Variants in ZFYVE9 observed in about 807,000 individuals in gnomAD.
ZFYVE9 encodes the protein zinc finger FYVE-type containing 9.
In ZFYVE9, 43 loss-of-function variants were observed where a neutral mutation model predicts 126.7. The observed-to-expected ratio is 0.34, with a 90% CI of 0.27 to 0.44. The LOEUF is 0.44. Ranked by LOEUF, ZFYVE9 falls within the 20% of genes least tolerant of loss-of-function variation. The pLI is 1.00. For synonymous variants in ZFYVE9, 521 were observed against 597.4 expected (o/e 0.87, Z 1.87); for missense variants, 1,476 against 1,697.0 (o/e 0.87, Z 2.29).
At chr1:52,231,343 C>T (rs917218060) in intron 2 of ZFYVE9, among the ~76,000 whole-genome samples, 2 of 152,038 alleles carry the variant, frequency 1.3e-5, no homozygotes, top group African/African-American at 4.8e-5. Context: ...CATGGTGAAA[C>T]CCTGTCTCTA....
chr1:52,231,060 A>G (rs993123130), intron 2 of ZFYVE9, among the ~76,000 whole-genome samples: 68 of 152,338 alleles, frequency 4.5e-4, no homozygotes, highest in African/African-American at 1.4e-3. Context: ...GCTGTTAAAT[A>G]TTGTAGGTGT....
At chr1:52,213,763 G>A (rs1272910419) in intron 1 of ZFYVE9, among the ~76,000 whole-genome samples, 1 of 152,170 alleles carries the variant, frequency 6.6e-6, no homozygotes, top group Non-Finnish European at 1.5e-5. Context: ...GATAACAGTG[G>A]ATGAAAGGTT....
chr1:52,208,426 A>G (rs1644996484), intron 1 of ZFYVE9, among the ~76,000 whole-genome samples: 1 of 151,948 alleles, frequency 6.6e-6, no homozygotes, highest in Non-Finnish European at 1.5e-5. Flanking sequence ...ACTAATAGGA[A>G]CTTTCTGATA....
chr1:52,160,530 A>G, intron 1 of ZFYVE9: 1 of 776,504 alleles, frequency 1.3e-6, no homozygotes, highest in Non-Finnish European at 2.4e-6. Context: ...CTGATGCCCC[A>G]GCCCTTGTGA....
intron 4 of ZFYVE9, among the ~76,000 whole-genome samples, chr1:52,243,493 A>G (rs1223920357): frequency 6.6e-6 from 1 of 152,218 alleles, no homozygotes. Flanking sequence ...GAGGTTAAGA[A>G]GGCACCTATT....
intron 10 of ZFYVE9, among the ~76,000 whole-genome samples, chr1:52,291,814 G>A (rs1645923015): frequency 6.8e-6 from 1 of 148,016 alleles, no homozygotes; most frequent in Non-Finnish European, 1.5e-5. Flanking sequence ...GGAAGGAGAG[G>A]TTGCAGTGAG....
chr1:52,207,596 T>C (rs1228088527), intron 1 of ZFYVE9, among the ~76,000 whole-genome samples: 1 of 152,228 alleles, frequency 6.6e-6, no homozygotes, highest in African/African-American at 2.4e-5. Flanking sequence ...TCTGCCACTG[T>C]AAGGGTGTTC....
At position 52,263,819 on chromosome 1, in the gene ZFYVE9, T is replaced by C; in HGVS notation, c.2225T>C (p.Met742Thr). 6.9e-7 allele frequency: 1 copy of C among 1,447,838 alleles called. No individual in the cohort carries two copies. The highest frequency in any genetic ancestry group is 9.3e-7 in the Non-Finnish European group (1 of 1,078,404). The allele number at this position is 1,447,838 out of a possible 1,614,324, so 89.7% of individuals were successfully genotyped here. The change falls in exon 5 of 19, where the codon ATG becomes ACG. Residue 742 changes from methionine to threonine, a missense_variant. Coordinates refer to ENST00000287727, the MANE Select transcript of ZFYVE9 (RefSeq NM_004799.4). Reference protein sequence around the residue: ...CCSLKCKLLYMDRKEARVCVI... With the variant: ...CCSLKCKLLYTDRKEARVCVI... ...AGCCTGAAATGTAAACTGTTATACA[T>C]GGACAGAAAGGAAGCTAGAGTGTGT...
rs141879674 is a variant in ZFYVE9 at position 52,306,134 on chromosome 1, T to C, written c.3438+2209T>C. ...GCCAGGCCACCAGTCCCATGGACTGTAGTGGGAACTTGGGGTGCCTTTTCT... is the reference window on the plus strand; with the variant it reads ...GCCAGGCCACCAGTCCCATGGACTGCAGTGGGAACTTGGGGTGCCTTTTCT... On this transcript the variant is annotated intron_variant, in intron 13 of 18. Transcript: ENST00000287727. Among the ~76,000 whole-genome samples the C allele has an allele frequency of 7.8e-4, 118 of 152,222 alleles. 2 individuals are homozygous for C. The East Asian group carries it at 0.022, about 28-fold the overall frequency.
intron 12 of ZFYVE9, among the ~76,000 whole-genome samples, chr1:52,298,833 G>A (rs764492844): frequency 8.7e-5 from 11 of 126,352 alleles, no homozygotes; most frequent in Non-Finnish European, 1.6e-4. Flanking sequence ...TTTTTGAGAC[G>A]GAGTCTTGCT....
At chr1:52,345,431 A>C (rs1391980591) in intron 18 of ZFYVE9, among the ~76,000 whole-genome samples, 1 of 152,234 alleles carries the variant, frequency 6.6e-6, no homozygotes, top group African/African-American at 2.4e-5. Context: ...TGCCATTATC[A>C]GGGAATGATG....
At chr1:52,235,233 G>T (rs997480803) in intron 3 of ZFYVE9, among the ~76,000 whole-genome samples, 1 of 151,978 alleles carries the variant, frequency 6.6e-6, no homozygotes, top group African/African-American at 2.4e-5. Context: ...TTCAAGCCTC[G>T]TGTTATCTTA....
At position 52,318,370 on chromosome 1, in the gene ZFYVE9, ATGTGTGTGTGTGTG is replaced by A. The variant is rs59683935; in HGVS notation, c.3439-14366_3439-14353del. Among the ~76,000 whole-genome samples the A allele has an allele frequency of 6.0e-3, 861 of 144,332 alleles. 4 individuals carry two copies. Among genetic ancestry groups the A allele is most frequent in the East Asian group, 0.023 (113 of 4,896 alleles). 94.7% of individuals were successfully genotyped at this position (144,332 alleles called of 152,430 possible). A position where few individuals can be genotyped will look rare whatever the true frequency, so the allele number is the denominator to read the frequency against. On this transcript the variant is annotated intron_variant, in intron 13 of 18. Transcript: ENST00000287727. ...TCAAGATTAGAGAGAGCATGATTGT[ATGTGTGTGTGTGTG>A]TGTGTGTGTGTGTGTGTGTGTGTGT...
At chr1:52,264,880 C>A (rs1456116302) in intron 5 of ZFYVE9, among the ~76,000 whole-genome samples, 1 of 152,210 alleles carries the variant, frequency 6.6e-6, no homozygotes, top group Non-Finnish European at 1.5e-5. Context: ...AAATATGAAT[C>A]ATTCTCTCCA....
chr1:52,151,028 T>C (rs1644352142), intron 1 of ZFYVE9, among the ~76,000 whole-genome samples: 1 of 150,466 alleles, frequency 6.6e-6, no homozygotes. Flanking sequence ...CCGAGGTAAA[T>C]TATTTTTGAA....
At chr1:52,164,441 TCACCTCAAGTAATCCACC>T (rs1644493181) in intron 1 of ZFYVE9, among the ~76,000 whole-genome samples, 1 of 152,092 alleles carries the variant, frequency 6.6e-6, no homozygotes, top group African/African-American at 2.4e-5. Context: ...CTTGAACTCC[TCACCTCAAGTAATCCACC>T]CGCCTCGGAC....
At chr1:52,183,244 TGTAAA>T (rs1355157392) in intron 1 of ZFYVE9, among the ~76,000 whole-genome samples, 1 of 152,136 alleles carries the variant, frequency 6.6e-6, no homozygotes, top group Non-Finnish European at 1.5e-5. Flanking sequence ...TAGAGTATGT[TGTAAA>T]GTAGATTGTT....
chr1:52,232,092 CA>C (rs1645228776), intron 2 of ZFYVE9, among the ~76,000 whole-genome samples: 1 of 152,128 alleles, frequency 6.6e-6, no homozygotes, highest in African/African-American at 2.4e-5. Context: ...TTTACAAAGA[CA>C]GCCTATTACA....
chr1:52,248,124 A>G (rs900547324), intron 4 of ZFYVE9, among the ~76,000 whole-genome samples: 3 of 152,138 alleles, frequency 2.0e-5, no homozygotes, highest in East Asian at 1.9e-4. Flanking sequence ...TCTATTGGCA[A>G]CCTCGGGAAA....
Sources: gnomAD v4.1 joint callset for allele counts (sites outside exome capture counted in the v4.1 genomes callset) on GRCh38, gnomAD v4.1.1 for gene constraint, MANE v1.5 for transcripts, NCBI Gene and HGNC (gene_info 2026-07-23, HGNC 2026-07-21) for gene names.